Variants in GPHN observed in about 807,000 individuals in gnomAD.
The protein encoded by GPHN is gephyrin.
GPHN carries 17 observed loss-of-function variants against 95.5 expected under a neutral mutation model. The ratio of observed to expected loss-of-function variants is 0.18; its 90% CI spans 0.12 to 0.27. The LOEUF (loss-of-function observed/expected upper bound fraction) is 0.27, where lower values mean the gene tolerates loss of function less well. Among genes scored for constraint, GPHN ranks in the 10% least tolerant of loss-of-function variants. The probability of loss-of-function intolerance (pLI) is 1.00; values close to 1 mark genes in which losing one functional copy is unlikely to be tolerated. For synonymous variants in GPHN, 320 were observed against 322.5 expected (o/e 0.99, Z 0.08); for missense variants, 660 against 978.1 (o/e 0.67, Z 4.34).
chr14:67,591,252 T>TA, the GPHN span, among the ~76,000 whole-genome samples: 1 of 152,088 alleles, frequency 6.6e-6, no homozygotes, highest in Non-Finnish European at 1.5e-5. Flanking sequence ...CATATTAAGC[T>TA]AAAAAAGCTA....
At chr14:66,759,695 T>G (rs1344688741) in intron 2 of GPHN, among the ~76,000 whole-genome samples, 1 of 152,182 alleles carries the variant, frequency 6.6e-6, no homozygotes, top group Non-Finnish European at 1.5e-5. Flanking sequence ...TCTGTTACTT[T>G]TAAGTGCAGC....
chr14:67,254,976 T>C, the GPHN span, among the ~76,000 whole-genome samples: 93 of 152,194 alleles, frequency 6.1e-4, 1 homozygote, highest in African/African-American at 2.2e-3. Context: ...TGGTGAAACC[T>C]CTTCTCTACT....
At chr14:67,071,662 A>T (rs1337871827) in intron 11 of GPHN, among the ~76,000 whole-genome samples, 5 of 152,062 alleles carry the variant, frequency 3.3e-5, no homozygotes, top group Non-Finnish European at 5.9e-5. Flanking sequence ...AATTTAAAAA[A>T]AAATCAGGCC....
intron 18 of GPHN, among the ~76,000 whole-genome samples, chr14:67,159,021 C>A (rs538395494): frequency 2.6e-5 from 4 of 152,280 alleles, no homozygotes; most frequent in African/African-American, 9.6e-5. Flanking sequence ...TGTTAACATC[C>A]TTCTTCAGAC....
intron 6 of GPHN, among the ~76,000 whole-genome samples, chr14:66,919,910 A>C (rs918161444): frequency 6.8e-6 from 1 of 146,722 alleles, no homozygotes; most frequent in African/African-American, 2.4e-5. Context: ...ACTAAAAATA[A>C]AAAAAAACTA....
At chr14:66,598,518 C>T (rs185421825) in intron 1 of GPHN, among the ~76,000 whole-genome samples, 1 of 152,214 alleles carries the variant, frequency 6.6e-6, no homozygotes, top group East Asian at 1.9e-4. Flanking sequence ...CTTTCACCTC[C>T]ACTTCTGTCC....
the GPHN span, among the ~76,000 whole-genome samples, chr14:67,398,693 A>G: frequency 6.6e-6 from 1 of 151,506 alleles, no homozygotes; most frequent in Non-Finnish European, 1.5e-5. Flanking sequence ...AGTGGCTGGG[A>G]CTACAAGCGT....
chr14:67,645,258 C>T, the GPHN span, among the ~76,000 whole-genome samples: 1 of 151,868 alleles, frequency 6.6e-6, no homozygotes, highest in Non-Finnish European at 1.5e-5. Context: ...ATGTGATCCT[C>T]TCACCTCAGT....
At chr14:67,733,703 T>G in the GPHN span, 1 of 1,319,554 alleles carries the variant, frequency 7.6e-7, no homozygotes, top group Non-Finnish European at 1.1e-6. Context: ...TCCAGACTGC[T>G]AATTCTCATT....
intron 1 of GPHN, among the ~76,000 whole-genome samples, chr14:66,620,672 G>T (rs2063252200): frequency 6.6e-6 from 1 of 152,058 alleles, no homozygotes; most frequent in Admixed American, 6.6e-5. Context: ...GTCTATCTCT[G>T]ACCGCTCTCA....
chr14:66,854,967 C>G (rs1184935229), intron 4 of GPHN, among the ~76,000 whole-genome samples: 1 of 151,984 alleles, frequency 6.6e-6, no homozygotes, highest in Non-Finnish European at 1.5e-5. Context: ...CCTGCCTCAG[C>G]CTCCTGAGTA....
At chr14:67,482,151 G>A in the GPHN span, among the ~76,000 whole-genome samples, 132 of 152,298 alleles carry the variant, frequency 8.7e-4, no homozygotes, top group African/African-American at 3.1e-3. Context: ...CCCTTCAAGG[G>A]AACAGGTGAT....
chr14:66,829,137 G>T (rs1310227667), intron 4 of GPHN, among the ~76,000 whole-genome samples: 1 of 144,674 alleles, frequency 6.9e-6, no homozygotes, highest in African/African-American at 2.6e-5. Flanking sequence ...ACCTAGGCTG[G>T]AGTGCAGTGG....
the GPHN span, among the ~76,000 whole-genome samples, chr14:67,282,225 C>CA: frequency 6.6e-6 from 1 of 152,040 alleles, no homozygotes; most frequent in Non-Finnish European, 1.5e-5. Context: ...TCATAATCTG[C>CA]TAACACATCA....
chr14:67,309,306 A>G, the GPHN span, among the ~76,000 whole-genome samples: 3 of 152,222 alleles, frequency 2.0e-5, no homozygotes, highest in African/African-American at 7.2e-5. Context: ...AGTGGAATAT[A>G]TGGATAAAAG....
At chr14:67,035,097 A>G (rs538306456) in intron 10 of GPHN, among the ~76,000 whole-genome samples, 1 of 152,028 alleles carries the variant, frequency 6.6e-6, no homozygotes, top group South Asian at 2.1e-4. Flanking sequence ...CAATAGCAGT[A>G]GGAAAACTGG....
intron 8 of GPHN, among the ~76,000 whole-genome samples, chr14:66,932,461 T>TG (rs2066869361): frequency 3.1e-5 from 4 of 130,664 alleles, no homozygotes; most frequent in Non-Finnish European, 4.8e-5. Flanking sequence ...TTTTTTTTTT[T>TG]TTTTTTTTTT....
intron 18 of GPHN, among the ~76,000 whole-genome samples, chr14:67,147,641 A>G (rs2080978032): frequency 6.6e-6 from 1 of 152,114 alleles, no homozygotes; most frequent in Non-Finnish European, 1.5e-5. Flanking sequence ...GGCTCAAGCA[A>G]TCCTCTTGCA....
At chr14:66,935,553 G>A (rs7158760) in intron 8 of GPHN, among the ~76,000 whole-genome samples, 37,713 of 150,728 alleles carry the variant, frequency 0.25, 6,885 homozygotes, top group African/African-American at 0.49. Flanking sequence ...TATCAAACAT[G>A]TACATATACA....
Sources: gnomAD v4.1 joint callset for allele counts (sites outside exome capture counted in the v4.1 genomes callset) on GRCh38, gnomAD v4.1.1 for gene constraint, MANE v1.5 for transcripts, NCBI Gene and HGNC (gene_info 2026-07-23, HGNC 2026-07-21) for gene names.